The following ADAMTSL1 variants were observed in gnomAD, a reference collection of about 807,000 sequenced individuals.
ADAMTSL1 encodes the protein ADAMTS-like protein 1.
In ADAMTSL1, 126 loss-of-function variants were observed where a neutral mutation model predicts 201.8. The observed-to-expected ratio is 0.62, with a 90% CI of 0.54 to 0.72. The LOEUF (loss-of-function observed/expected upper bound fraction) is 0.72, where lower values mean the gene tolerates loss of function less well. Ranked by LOEUF, ADAMTSL1 falls within the 30% of genes least tolerant of loss-of-function variation. The probability of loss-of-function intolerance (pLI) is 0.00; values close to 1 mark genes in which losing one functional copy is unlikely to be tolerated. For synonymous variants in ADAMTSL1, 1,121 were observed against 903.4 expected (o/e 1.24, Z -4.32); for missense variants, 2,679 against 2,277.8 (o/e 1.18, Z -3.59).
chr9:17,939,136 A>T (rs1190390282), intron 1 of ADAMTSL1, among the ~76,000 whole-genome samples: 2 of 152,146 alleles, frequency 1.3e-5, no homozygotes, highest in Non-Finnish European at 1.5e-5. Context: ...CAGTTTCACA[A>T]TAACTGCCTT....
chr9:18,176,014 A>G (rs1195927195), intron 2 of ADAMTSL1, among the ~76,000 whole-genome samples: 2 of 133,690 alleles, frequency 1.5e-5, no homozygotes, highest in Admixed American at 8.1e-5. Context: ...AAGCAAAAAA[A>G]AAAAAAAAAA....
chr9:18,826,381 C>T lies in ADAMTSL1; in HGVS notation c.4032C>T (p.Ser1344=), dbSNP rs1824564913. Residue 1344 remains serine, a synonymous_variant, in exon 22 of 29, where the codon TCC becomes TCT. Transcript: ENST00000380548. The part of the protein sequence containing the change: ...HEGSLLLTNV[S]SSDQGLYSCR... ...GCTCCTTGCTGCTCACAAACGTGTC[C>T]TCCTCGGATCAGGGCCTGTACTCCT... 1 of 1,613,776 alleles carries T rather than the reference C, an allele frequency of 6.2e-7. No individual in the cohort carries two copies. The highest frequency in any genetic ancestry group is 8.5e-7 in the Non-Finnish European group (1 of 1,179,854).
intron 2 of ADAMTSL1, among the ~76,000 whole-genome samples, chr9:18,219,343 T>A (rs551666291): frequency 1.2e-4 from 18 of 145,480 alleles, no homozygotes; most frequent in African/African-American, 2.8e-4. Flanking sequence ...TACATTTTAT[T>A]TTTATTTATT....
At chr9:18,735,890 C>T (rs1818475594) in intron 15 of ADAMTSL1, among the ~76,000 whole-genome samples, 1 of 117,426 alleles carries the variant, frequency 8.5e-6, no homozygotes, top group Non-Finnish European at 1.9e-5. Context: ...GGGAAATTCT[C>T]TCAAATTAAA....
chr9:18,545,580 G>A (rs1293864857), intron 3 of ADAMTSL1, among the ~76,000 whole-genome samples: 2 of 152,184 alleles, frequency 1.3e-5, no homozygotes, highest in East Asian at 3.9e-4. Flanking sequence ...AGCAGAAAAA[G>A]CAAATCCAAG....
intron 1 of ADAMTSL1, among the ~76,000 whole-genome samples, chr9:17,984,403 C>G (rs1219780949): frequency 6.6e-6 from 1 of 151,986 alleles, no homozygotes; most frequent in African/African-American, 2.4e-5. Context: ...ATTATACATG[C>G]TTTTTTCTAG....
chr9:18,695,400 G>A (rs1193420853), intron 13 of ADAMTSL1, among the ~76,000 whole-genome samples: 1 of 152,122 alleles, frequency 6.6e-6, no homozygotes, highest in Non-Finnish European at 1.5e-5. Context: ...CTACCACATA[G>A]GCTGCAAATT....
chr9:18,330,351 C>T (rs1028099886), intron 2 of ADAMTSL1, among the ~76,000 whole-genome samples: 2 of 152,036 alleles, frequency 1.3e-5, no homozygotes, highest in African/African-American at 2.4e-5. Context: ...TCCTGCCACT[C>T]TTGCATCCAT....
At chr9:18,090,671 G>A (rs1823972690) in intron 1 of ADAMTSL1, among the ~76,000 whole-genome samples, 1 of 152,100 alleles carries the variant, frequency 6.6e-6, no homozygotes, top group Non-Finnish European at 1.5e-5. Context: ...GAGCTGCATG[G>A]CGGCAATGGT....
intron 2 of ADAMTSL1, among the ~76,000 whole-genome samples, chr9:18,339,178 G>A (rs2075911872): frequency 6.6e-6 from 1 of 152,100 alleles, no homozygotes; most frequent in African/African-American, 2.4e-5. Flanking sequence ...ACAACCTACA[G>A]AATGGGAAAA....
intron 2 of ADAMTSL1, among the ~76,000 whole-genome samples, chr9:18,264,621 A>G (rs1832049039): frequency 6.6e-6 from 1 of 152,236 alleles, no homozygotes; most frequent in Admixed American, 6.5e-5. Flanking sequence ...ACAGTAAAGA[A>G]GTAGAAAGTT....
chr9:18,854,154 G>A (rs1826697052), intron 23 of ADAMTSL1, among the ~76,000 whole-genome samples: 1 of 152,088 alleles, frequency 6.6e-6, no homozygotes, highest in South Asian at 2.1e-4. Flanking sequence ...CAAAGCAAGA[G>A]AATCACTATG....
chr9:18,719,370 G>A (rs921799318), intron 14 of ADAMTSL1, among the ~76,000 whole-genome samples: 8 of 151,902 alleles, frequency 5.3e-5, no homozygotes, highest in Admixed American at 1.3e-4. Context: ...CTTTTGAGAC[G>A]GAGTTTTGCT....
At chr9:18,661,084 C>A (rs1043322129) in intron 8 of ADAMTSL1, among the ~76,000 whole-genome samples, 2 of 151,902 alleles carry the variant, frequency 1.3e-5, no homozygotes, top group African/African-American at 2.4e-5. Context: ...ATTTTTCACC[C>A]CGAGAATCTA....
At chr9:18,772,291 C>T (rs1820738389) in intron 17 of ADAMTSL1, among the ~76,000 whole-genome samples, 1 of 152,118 alleles carries the variant, frequency 6.6e-6, no homozygotes, top group African/African-American at 2.4e-5. Context: ...GAGGAAGGGA[C>T]TTGTGTGTGT....
intron 1 of ADAMTSL1, among the ~76,000 whole-genome samples, chr9:17,980,622 G>C (rs1297827375): frequency 6.6e-6 from 1 of 151,950 alleles, no homozygotes; most frequent in Admixed American, 6.6e-5. Context: ...TGGGGTTTTT[G>C]GGGGGCAATT....
intron 6 of ADAMTSL1, among the ~76,000 whole-genome samples, chr9:18,638,305 A>T (rs1039325837): frequency 1.3e-5 from 2 of 152,032 alleles, no homozygotes; most frequent in African/African-American, 4.8e-5. Flanking sequence ...GCCTCCAGAG[A>T]CCTTAAAATT....
intron 2 of ADAMTSL1, among the ~76,000 whole-genome samples, chr9:18,287,530 T>C (rs528489961): frequency 8.3e-4 from 125 of 151,488 alleles, no homozygotes; most frequent in South Asian, 5.6e-3. Context: ...TATTTACATA[T>C]ATGTAAAATA....
chr9:18,771,732 T>G (rs1820700931), intron 17 of ADAMTSL1, among the ~76,000 whole-genome samples: 1 of 124,028 alleles, frequency 8.1e-6, no homozygotes, highest in Non-Finnish European at 1.8e-5. Context: ...TTTTTTTTTT[T>G]TGGATAGTAT....
Sources: allele counts gnomAD v4.1 joint callset (sites outside exome capture counted in the v4.1 genomes callset), GRCh38; gene constraint gnomAD v4.1.1; transcripts MANE v1.5; gene names NCBI Gene and HGNC (gene_info 2026-07-23, HGNC 2026-07-21).